Variants in ABCB1 observed in about 807,000 individuals in gnomAD.
ABCB1 encodes the protein ATP binding cassette subfamily B member 1.
ABCB1 carries 69 observed loss-of-function variants against 142.0 expected under a neutral mutation model. The ratio of observed to expected loss-of-function variants is 0.49; its 90% CI spans 0.40 to 0.59. The LOEUF (loss-of-function observed/expected upper bound fraction) is 0.59. ABCB1 is among the 20% of genes least tolerant of loss of function. The pLI is 0.00. For synonymous variants in ABCB1, 532 were observed against 539.2 expected (o/e 0.99, Z 0.18); for missense variants, 1,326 against 1,554.7 (o/e 0.85, Z 2.47).
At chr7:87,700,358 G>A (rs2130691889) in intron 1 of ABCB1, 1 of 1,332,708 alleles carries the variant, frequency 7.5e-7, no homozygotes, top group East Asian at 2.5e-5. Flanking sequence ...TATTGTTCTT[G>A]CATTTTCAAG....
intron 3 of ABCB1, among the ~76,000 whole-genome samples, chr7:87,586,441 T>A (rs1347453550): frequency 6.6e-6 from 1 of 151,946 alleles, no homozygotes. Context: ...CTCAAGGAAC[T>A]AGCTAAGGAT....
rs1302731388 is a variant in ABCB1 at position 87,516,669 on chromosome 7, G to A, written c.2928-4C>T. 6.2e-7 allele frequency: 1 copy of A among 1,607,448 alleles called. No individual in the cohort carries two copies. The highest frequency in any genetic ancestry group is 1.4e-5 in the African/African-American group (1 of 73,144). On this transcript the variant is annotated splice_region_variant and splice_polypyrimidine_tract_variant and intron_variant, in intron 23 of 27. Transcript: ENST00000622132. ...AAAGACAACAGCTGAAAATACTCTG[G>A]AAAGCACAAACACAAAACATGTGCA...
At chr7:87,668,743 C>T (rs898447743) in intron 1 of ABCB1, among the ~76,000 whole-genome samples, 1 of 152,108 alleles carries the variant, frequency 6.6e-6, no homozygotes, top group Non-Finnish European at 1.5e-5. Context: ...ACCCCAAAGC[C>T]ACTCAAGAGC....
chr7:87,516,030 T>C (rs991227015), intron 24 of ABCB1, among the ~76,000 whole-genome samples: 1 of 152,156 alleles, frequency 6.6e-6, no homozygotes, highest in Non-Finnish European at 1.5e-5. Context: ...GTAACTTACA[T>C]ACAATAAAAT....
intron 1 of ABCB1, among the ~76,000 whole-genome samples, chr7:87,650,164 T>C (rs535376851): frequency 6.6e-6 from 1 of 152,262 alleles, no homozygotes; most frequent in South Asian, 2.1e-4. Context: ...GTAGTATTAC[T>C]GTTTTTGAGT....
chr7:87,629,197 G>A, intron 1 of ABCB1: 1 of 373,466 alleles, frequency 2.7e-6, no homozygotes, highest in Non-Finnish European at 4.8e-6. Context: ...CGGGGCTGGA[G>A]GAGGATTTGT....
intron 17 of ABCB1, among the ~76,000 whole-genome samples, chr7:87,542,104 C>G (rs766395886): frequency 6.6e-6 from 1 of 152,146 alleles, no homozygotes; most frequent in Non-Finnish European, 1.5e-5. Context: ...ACGTATCTCC[C>G]TTCACAGTGG....
chr7:87,627,828 C>T (rs1237870393), intron 1 of ABCB1: 2 of 152,374 alleles, frequency 1.3e-5, no homozygotes, highest in East Asian at 1.9e-4. Context: ...GGCCGTCAGT[C>T]CCGGGTGCGG....
chr7:87,706,650 A>C (rs1829618156), intron 1 of ABCB1, among the ~76,000 whole-genome samples: 1 of 152,216 alleles, frequency 6.6e-6, no homozygotes. Flanking sequence ...CTTTAGCCTA[A>C]AGTTGTTTGT....
At chr7:87,581,447 A>G (rs1230347561) in intron 4 of ABCB1, among the ~76,000 whole-genome samples, 1 of 152,162 alleles carries the variant, frequency 6.6e-6, no homozygotes, top group East Asian at 1.9e-4. Context: ...ACAGAAATTC[A>G]TCAGTGATTA....
At chr7:87,642,555 G>T (rs1344178785) in intron 1 of ABCB1, among the ~76,000 whole-genome samples, 1 of 152,048 alleles carries the variant, frequency 6.6e-6, no homozygotes, top group East Asian at 1.9e-4. Flanking sequence ...AAGATAGGAA[G>T]TTTTCTTGGT....
intron 21 of ABCB1, among the ~76,000 whole-genome samples, chr7:87,526,367 C>G (rs1056272147): frequency 6.6e-6 from 1 of 151,900 alleles, no homozygotes; most frequent in Non-Finnish European, 1.5e-5. Flanking sequence ...GTACCATGTG[C>G]TTTGTGATGA....
intron 21 of ABCB1, chr7:87,522,306 G>A (rs1216088456): frequency 6.5e-6 from 5 of 771,764 alleles, no homozygotes; most frequent in Non-Finnish European, 1.2e-5. Flanking sequence ...GGAGGCAGAA[G>A]CTCTGGCCCC....
chr7:87,560,878 G>A (rs1817535333), intron 8 of ABCB1, among the ~76,000 whole-genome samples: 1 of 152,112 alleles, frequency 6.6e-6, no homozygotes, highest in Non-Finnish European at 1.5e-5. Context: ...TGTAGCATAT[G>A]TCAGCTGAAT....
intron 26 of ABCB1, 25 bp downstream of exon 26, chr7:87,509,250 G>A (rs28401808): frequency 1.9e-6 from 3 of 1,611,564 alleles, no homozygotes; most frequent in Non-Finnish European, 1.7e-6. Context: ...ATGCTCCCAG[G>A]CTGTTTATTT....
intron 3 of ABCB1, among the ~76,000 whole-genome samples, chr7:87,591,856 C>G (rs577990610): frequency 2.1e-4 from 32 of 152,308 alleles, no homozygotes; most frequent in Non-Finnish European, 3.4e-4. Context: ...CACATCATCT[C>G]TGACTCCTGT....
intron 1 of ABCB1, among the ~76,000 whole-genome samples, chr7:87,669,568 A>T (rs1004123857): frequency 2.6e-5 from 4 of 152,118 alleles, no homozygotes; most frequent in African/African-American, 4.8e-5. Context: ...TTACAGTGAC[A>T]CTGGTCTGTG....
chr7:87,650,075 T>C (rs1448392242), intron 1 of ABCB1, among the ~76,000 whole-genome samples: 2 of 152,348 alleles, frequency 1.3e-5, no homozygotes, highest in African/African-American at 4.8e-5. Flanking sequence ...TTCTCATTAA[T>C]GCTCACGTCC....
chr7:87,569,572 G>A (rs894787838), intron 5 of ABCB1, among the ~76,000 whole-genome samples: 8 of 151,886 alleles, frequency 5.3e-5, no homozygotes, highest in African/African-American at 4.8e-5. Context: ...AGAATCAGAT[G>A]TTGAGTTTAA....
Sources: allele counts gnomAD v4.1 joint callset (sites outside exome capture counted in the v4.1 genomes callset), GRCh38; gene constraint gnomAD v4.1.1; transcripts MANE v1.5; gene names NCBI Gene and HGNC (gene_info 2026-07-23, HGNC 2026-07-21).